Variants in TMEM132D observed in about 807,000 individuals in gnomAD.
TMEM132D encodes transmembrane protein 132D, also known as mature OL transmembrane protein.
Under a neutral mutation model 62.3 loss-of-function variants are expected in TMEM132D, and 21 were observed. That is an observed-to-expected ratio of 0.34 (90% CI 0.24 to 0.49). The LOEUF is 0.49. Ranked by LOEUF, TMEM132D falls within the 20% of genes least tolerant of loss-of-function variation. The pLI, the probability that TMEM132D is intolerant of heterozygous loss-of-function variation, is 0.99. For synonymous variants in TMEM132D, 621 were observed against 575.6 expected (o/e 1.08, Z -1.13); for missense variants, 1,346 against 1,402.8 (o/e 0.96, Z 0.65).
chr12:129,317,989 A>T (rs569415922), intron 4 of TMEM132D, among the ~76,000 whole-genome samples: 29 of 152,060 alleles, frequency 1.9e-4, no homozygotes, highest in African/African-American at 5.8e-4. Flanking sequence ...AATTTCCTGA[A>T]TTTTTTTGTT....
chr12:129,801,592 A>G (rs1871786471), intron 1 of TMEM132D, among the ~76,000 whole-genome samples: 1 of 150,616 alleles, frequency 6.6e-6, no homozygotes. Context: ...TGGGGAAAAA[A>G]CAGAACAGAA....
At chr12:129,662,084 C>A (rs1880248872) in intron 2 of TMEM132D, among the ~76,000 whole-genome samples, 2 of 152,168 alleles carry the variant, frequency 1.3e-5, no homozygotes, top group African/African-American at 4.8e-5. Context: ...ACTAGCAGGG[C>A]ACATACTCTG....
At chr12:129,648,483 G>T (rs1309420849) in intron 2 of TMEM132D, among the ~76,000 whole-genome samples, 1 of 152,142 alleles carries the variant, frequency 6.6e-6, no homozygotes, top group African/African-American at 2.4e-5. Context: ...TCTCCCTATT[G>T]CAATTCCCTT....
intron 1 of TMEM132D, among the ~76,000 whole-genome samples, chr12:129,860,802 G>T (rs1187313361): frequency 6.6e-6 from 1 of 152,154 alleles, no homozygotes; most frequent in Non-Finnish European, 1.5e-5. Context: ...TCACAGGGCA[G>T]CAGGAGAAAG....
At chr12:129,395,176 T>C (rs955053092) in intron 3 of TMEM132D, among the ~76,000 whole-genome samples, 5 of 152,190 alleles carry the variant, frequency 3.3e-5, no homozygotes, top group Admixed American at 1.3e-4. Flanking sequence ...TAGCAATTTT[T>C]ACCCATTAGA....
intron 2 of TMEM132D, among the ~76,000 whole-genome samples, chr12:129,609,217 T>C (rs1228625469): frequency 6.6e-6 from 1 of 152,080 alleles, no homozygotes; most frequent in Non-Finnish European, 1.5e-5. Context: ...AGTGCTGGGA[T>C]TACAGGAGTG....
intron 1 of TMEM132D, among the ~76,000 whole-genome samples, chr12:129,837,343 G>A (rs933822835): frequency 1.4e-4 from 22 of 152,286 alleles, no homozygotes; most frequent in Admixed American, 1.2e-3. Flanking sequence ...ACAGGTCCAC[G>A]GTGCTATTTA....
chr12:129,249,079 G>A lies in TMEM132D; in HGVS notation c.1300-39416C>T, dbSNP rs539030055. ...TTAAAATTTCTTTTCAGGTGATGTC[G>A]GTGATCAGAGGAACTATCTCATCCT... On this transcript the variant is annotated intron_variant, in intron 4 of 8. Transcript: ENST00000422113. Among the ~76,000 whole-genome samples, 147 of 152,164 alleles carry A rather than the reference G, an allele frequency of 9.7e-4. 1 individual carries two copies. The highest frequency in any genetic ancestry group is 3.3e-3 in the African/African-American group (138 of 41,500).
intron 3 of TMEM132D, among the ~76,000 whole-genome samples, chr12:129,410,251 TAC>T (rs1285462240): frequency 6.6e-6 from 1 of 152,212 alleles, no homozygotes; most frequent in Admixed American, 6.5e-5. Flanking sequence ...GAAAACACAG[TAC>T]AGAGTTTACC....
In TMEM132D at chr12:129,678,127, C is replaced by T. The variant is rs569966538; in HGVS notation, c.968+21683G>A. Among the ~76,000 whole-genome samples, 226 of 149,476 alleles carry T rather than the reference C, an allele frequency of 1.5e-3. 1 individual carries two copies. Among genetic ancestry groups the T allele is most frequent in the Middle Eastern group, 6.9e-3 (2 of 290 alleles). Reference sequence around the variant, plus strand: ...TTTGTTGATATAAACAGTGCTTCTACGAATATTTAAGTATATCTTTTGGTG... The same window carrying T: ...TTTGTTGATATAAACAGTGCTTCTATGAATATTTAAGTATATCTTTTGGTG... On this transcript the variant is annotated intron_variant, in intron 2 of 8. Transcript: ENST00000422113.
chr12:129,723,432 C>T (rs1297906887), intron 1 of TMEM132D, among the ~76,000 whole-genome samples: 1 of 152,166 alleles, frequency 6.6e-6, no homozygotes, highest in African/African-American at 2.4e-5. Context: ...ATGCATCACC[C>T]AGGCCCTTTG....
chr12:129,108,213 A>G (rs1250219943), intron 5 of TMEM132D, among the ~76,000 whole-genome samples: 1 of 152,200 alleles, frequency 6.6e-6, no homozygotes, highest in East Asian at 1.9e-4. Flanking sequence ...ACGTCCTTAC[A>G]TCACACACAG....
At position 129,549,280 on chromosome 12, in the gene TMEM132D, C is replaced by T. The variant is rs532261826; in HGVS notation, c.969-18075G>A. The stretch of plus-strand genomic sequence containing the variant: ...TGCCACCATGTAAGATGTGTCATTT[C>T]CTCCAGACACACAGTGAAATTCACT... On this transcript the variant is annotated intron_variant, in intron 2 of 8. Transcript: ENST00000422113. Among the ~76,000 whole-genome samples, 4 of 149,908 alleles carry T rather than the reference C, an allele frequency of 2.7e-5. No individual in the cohort carries two copies. The South Asian group carries it at 8.5e-4, about 32-fold the overall frequency.
intron 1 of TMEM132D, among the ~76,000 whole-genome samples, chr12:129,717,462 AATTT>A (rs1291880219): frequency 6.0e-5 from 9 of 151,124 alleles, no homozygotes; most frequent in Non-Finnish European, 1.3e-4. Flanking sequence ...AAAAATTAGA[AATTT>A]ATTTAATAAA....
intron 5 of TMEM132D, 29 bp from the exon 6 acceptor site, chr12:129,084,731 G>A (rs1296098692): frequency 8.1e-6 from 13 of 1,607,704 alleles, no homozygotes; most frequent in South Asian, 4.4e-5. Flanking sequence ...GAAAAGGGGA[G>A]GGAAAGGTGA....
Position 129,077,704 on chromosome 12 carries a change from T to A in TMEM132D, c.2115+830A>T, listed in dbSNP as rs919718589. ...CACAGACCCACAACACACACACATA[T>A]GCACACATACAAACAACAAATAGAC... On this transcript the variant is annotated intron_variant, in intron 8 of 8. Coordinates refer to ENST00000422113, the MANE Select transcript of TMEM132D (RefSeq NM_133448.3). Among the ~76,000 whole-genome samples the A allele has an allele frequency of 5.1e-4, 77 of 151,454 alleles. 1 individual carries two copies. Among genetic ancestry groups the A allele is most frequent in the Admixed American group, 5.0e-3 (76 of 15,212 alleles).
At chr12:129,187,796 C>A (rs1387258581) in intron 5 of TMEM132D, among the ~76,000 whole-genome samples, 3 of 152,218 alleles carry the variant, frequency 2.0e-5, no homozygotes, top group African/African-American at 7.2e-5. Flanking sequence ...GATTTACCTG[C>A]ACTTACTGCT....
intron 3 of TMEM132D, among the ~76,000 whole-genome samples, chr12:129,384,295 G>A (rs772206419): frequency 7.9e-5 from 12 of 152,148 alleles, no homozygotes; most frequent in Admixed American, 3.9e-4. Flanking sequence ...AACAAATGGC[G>A]GCTGGCAACA....
At chr12:129,297,881 T>C (rs978357598) in intron 4 of TMEM132D, among the ~76,000 whole-genome samples, 1 of 152,152 alleles carries the variant, frequency 6.6e-6, no homozygotes, top group Non-Finnish European at 1.5e-5. Context: ...GCCAGTATCT[T>C]GAACATGGTC....
Sources: gnomAD v4.1 joint callset for allele counts (sites outside exome capture counted in the v4.1 genomes callset) on GRCh38, gnomAD v4.1.1 for gene constraint, MANE v1.5 for transcripts, NCBI Gene and HGNC (gene_info 2026-07-23, HGNC 2026-07-21) for gene names.